ARHGEF39: variants seen among roughly 807,000 people sequenced by gnomAD.
ARHGEF39 encodes Rho guanine nucleotide exchange factor 39, also known as Rho guanine nucleotide exchange factor (GEF) 39.
In ARHGEF39, 45 loss-of-function variants were observed where a neutral mutation model predicts 47.5. That is an observed-to-expected ratio of 0.95 (90% CI 0.75 to 1.22). The LOEUF (loss-of-function observed/expected upper bound fraction) is 1.22, where lower values mean the gene tolerates loss of function less well. Among genes scored for constraint, ARHGEF39 ranks in the 50% most tolerant of loss-of-function variants. The pLI is 0.00. For synonymous variants in ARHGEF39, 164 were observed against 167.8 expected, an observed-to-expected ratio of 0.98 and a Z score of 0.17; for missense variants, 411 against 425.3, an observed-to-expected ratio of 0.97 and a Z score of 0.30.
chr9:35,664,071 C>A lies in ARHGEF39; in HGVS notation c.410G>T (p.Arg137Leu). Residue 137 changes from arginine to leucine, a missense_variant, in exon 4 of 9, where the codon CGC becomes CTC. Coordinates refer to ENST00000378387, the MANE Select transcript of ARHGEF39 (RefSeq NM_032818.3). ...FRRFVRLQEG[R>L]PEFGGLQLQD... ...GAGCTGAAGGCCCCCAAACTCAGGG[C>A]GGCCTTCCTGAAGCCGTACAAACCT... The A allele has an allele frequency of 6.2e-7, 1 of 1,614,078 alleles. No individual in the cohort carries two copies. Among genetic ancestry groups the A allele is most frequent in the Non-Finnish European group, 8.5e-7 (1 of 1,179,964 alleles).
At chr9:35,663,522 C>T in intron 4 of ARHGEF39, 130 bp from the exon 5 acceptor site, 2 of 760,644 alleles carry the variant, frequency 2.6e-6, no homozygotes, top group South Asian at 1.8e-5. Flanking sequence ...GCTACTGTAT[C>T]CCCTTCTTTC....
In ARHGEF39 at chr9:35,662,760, G is replaced by A; in HGVS notation, c.674-19C>T. 1 of 1,545,672 alleles carries A rather than the reference G, an allele frequency of 6.5e-7. No individual in the cohort carries two copies. The highest frequency in any genetic ancestry group is 8.7e-7 in the Non-Finnish European group (1 of 1,144,100). On this transcript the variant is annotated intron_variant, in intron 6 of 8. Coordinates refer to ENST00000378387, the MANE Select transcript of ARHGEF39 (RefSeq NM_032818.3). ...CAGCGCCCTGGGGGATGGGAGCGCT[G>A]TTATTCTGGTGCAGCTTCAAGATAC... is the stretch of plus-strand genomic sequence containing the variant.
chr9:35,661,552 C>A lies in ARHGEF39; in HGVS notation c.*435G>T. 1 of 443,962 alleles carries A rather than the reference C, an allele frequency of 2.3e-6. No homozygotes were observed. Among genetic ancestry groups the A allele is most frequent in the Non-Finnish European group, 3.9e-6 (1 of 253,478 alleles). 27.5% of individuals were successfully genotyped at this position (443,962 alleles called of 1,614,324 possible). The stretch of plus-strand genomic sequence containing the variant: ...AGCTGCAGCCTTGATAAATGACGGG[C>A]CATGGACACAGCACAGAGCTTATCA... On this transcript the variant is annotated 3_prime_UTR_variant, in exon 9 of 9. Transcript: ENST00000378387.
rs899203092 is a variant in ARHGEF39 at position 35,661,807 on chromosome 9, C to T, written c.*180G>A. The T allele has an allele frequency of 4.2e-5, 29 of 688,482 alleles. No individual in the cohort carries two copies. Among genetic ancestry groups the T allele is most frequent in the Admixed American group, 8.9e-5 (3 of 33,896 alleles). 42.6% of individuals were successfully genotyped at this position (688,482 alleles called of 1,614,324 possible). On this transcript the variant is annotated 3_prime_UTR_variant, in exon 9 of 9. Coordinates refer to ENST00000378387, the MANE Select transcript of ARHGEF39 (RefSeq NM_032818.3). ...GGGATTACAGGCATGAGCCACTGTG[C>T]CTGGCCGTGATTTTTAAGAGTTGGT...
rs1378062480 is a variant in ARHGEF39 at position 35,660,653 on chromosome 9, G to A, written c.*1334C>T. Reference sequence around the variant, plus strand: ...CTGGACCCCCTTTTTGAGCGGTGAGGAGAGCAATGATTCTGTGAATTTTTG... The same window carrying A: ...CTGGACCCCCTTTTTGAGCGGTGAGAAGAGCAATGATTCTGTGAATTTTTG... On this transcript the variant is annotated 3_prime_UTR_variant, in exon 9 of 9. Coordinates refer to ENST00000378387, the MANE Select transcript of ARHGEF39 (RefSeq NM_032818.3). 4 of 1,614,182 alleles carry A rather than the reference G, an allele frequency of 2.5e-6. No homozygotes were observed. In the East Asian group the frequency reaches 8.9e-5, roughly 36 times the overall value.
At position 35,664,800 on chromosome 9, in the gene ARHGEF39, G is replaced by A; in HGVS notation, c.189C>T (p.Arg63=). The change falls in exon 2 of 9, where the codon CGC becomes CGT. Residue 63 remains arginine, a synonymous_variant. Transcript: ENST00000378387. ...KAKGTLRPPE[R]QALFGSWELI... The stretch of plus-strand genomic sequence containing the variant: ...GCTCCCAGGAGCCAAACAGGGCCTG[G>A]CGCTCAGGTGGTCGCAGGGTCCCCT... 1 of 1,612,570 alleles carries A rather than the reference G, an allele frequency of 6.2e-7. No homozygotes were observed. The highest frequency in any genetic ancestry group is 1.3e-5 in the African/African-American group (1 of 75,070).
chr9:35,663,380 G>A lies in ARHGEF39; in HGVS notation c.486C>T (p.Leu162=), dbSNP rs376575677. 165 of 1,613,632 alleles carry A rather than the reference G, an allele frequency of 1.0e-4. No individual in the cohort carries two copies. In the South Asian group the frequency reaches 1.2e-3, roughly 12 times the overall value. The change falls in exon 5 of 9, where the codon CTC becomes CTT. Residue 162 remains leucine, a synonymous_variant. Transcript: ENST00000378387. ...CTGTGTTTTCAGCCAAAGCTACGAC[G>A]AGATTCTCATACCTGGAATTCAACA... ...PLQRLQQYEN[L]VVALAENTGP...
Position 35,662,021 on chromosome 9 carries a change from C to T in ARHGEF39, c.993-19G>A, listed in dbSNP as rs202026693. 2 of 1,613,838 alleles carry T rather than the reference C, an allele frequency of 1.2e-6. No individual in the cohort carries two copies. Among genetic ancestry groups the T allele is most frequent in the Non-Finnish European group, 1.7e-6 (2 of 1,179,874 alleles). ...CTGGCTGCTGTGGAGAGAAGACAGT[C>T]AGTTCAGGCACTGGTATGAGTGCTT... On this transcript the variant is annotated intron_variant, in intron 8 of 8. Coordinates refer to ENST00000378387, the MANE Select transcript of ARHGEF39 (RefSeq NM_032818.3).
intron 1 of ARHGEF39, 76 bp downstream of exon 1, chr9:35,664,956 G>C (rs763351209): frequency 1.3e-6 from 2 of 1,512,716 alleles, no homozygotes; most frequent in Non-Finnish European, 1.8e-6. Context: ...CATGCTCCGG[G>C]TTACCGACCT....
intron 7 of ARHGEF39, 107 bp from the exon 8 acceptor site, chr9:35,662,374 A>G (rs920578939): frequency 2.9e-6 from 4 of 1,384,470 alleles, no homozygotes; most frequent in African/African-American, 1.4e-5. Flanking sequence ...ATGACTAGGT[A>G]TGAAGCCCGA....
chr9:35,663,257 C>T (rs1824067579), intron 5 of ARHGEF39, 65 bp downstream of exon 5: 1 of 1,583,264 alleles, frequency 6.3e-7, no homozygotes, highest in Non-Finnish European at 8.7e-7. Flanking sequence ...TGTTGGAGGT[C>T]AGAATCAGAA....
rs752815799 is a variant in ARHGEF39 at position 35,660,826 on chromosome 9, A to G, written c.*1161T>C. On this transcript the variant is annotated 3_prime_UTR_variant, in exon 9 of 9. Coordinates refer to ENST00000378387, the MANE Select transcript of ARHGEF39 (RefSeq NM_032818.3). ...ATCCACGAGCTGCTGCAAGATAGCA[A>G]GCCGGACAAGGATATGGAGGCTTCA... The G allele has an allele frequency of 1.2e-5, 20 of 1,614,092 alleles. No individual in the cohort carries two copies. The highest frequency in any genetic ancestry group is 1.7e-5 in the Admixed American group (1 of 60,014).
At position 35,662,679 on chromosome 9, in the gene ARHGEF39, G is replaced by C; in HGVS notation, c.736C>G (p.Arg246Gly). ...ACATCAGTGAAGAGGAAGAACATGCGGGGCCGAGGCTCCCCATGGGGAGGC... is the reference window on the plus strand; with the variant it reads ...ACATCAGTGAAGAGGAAGAACATGCCGGGCCGAGGCTCCCCATGGGGAGGC... ...VVPPHGEPRPRMFFLFTDVLL... is the reference protein window; with the variant it reads ...VVPPHGEPRPGMFFLFTDVLL... Residue 246 changes from arginine (R) to glycine (G), a missense_variant, in exon 7 of 9, where the codon CGC (arginine) becomes GGC (glycine). By Grantham distance (125) the Arg-to-Gly change is moderately radical. Transcript: ENST00000378387. The C allele has an allele frequency of 1.9e-6, 3 of 1,595,120 alleles. No homozygotes were observed. Among genetic ancestry groups the C allele is most frequent in the Non-Finnish European group, 2.6e-6 (3 of 1,171,034 alleles).
intron 1 of ARHGEF39, 91 bp from the exon 2 acceptor site, chr9:35,664,941 C>T: frequency 6.5e-7 from 1 of 1,528,332 alleles, no homozygotes; most frequent in Non-Finnish European, 8.8e-7. Context: ...TGCCCAGGCT[C>T]CCTACATGCT....
intron 2 of ARHGEF39, 92 bp downstream of exon 2, chr9:35,664,664 C>G: frequency 1.3e-6 from 2 of 1,489,824 alleles, no homozygotes; most frequent in Non-Finnish European, 1.8e-6. Context: ...CTGGCGGACT[C>G]CAAATAGAAC....
intron 5 of ARHGEF39, 90 bp downstream of exon 5, chr9:35,663,232 G>C: frequency 6.4e-7 from 1 of 1,554,584 alleles, no homozygotes; most frequent in East Asian, 2.2e-5. Flanking sequence ...TGGAAGATAG[G>C]GTCATACCAG....
Position 35,660,505 on chromosome 9 carries a change from G to A in ARHGEF39, c.*1482C>T. On this transcript the variant is annotated 3_prime_UTR_variant, in exon 9 of 9. Coordinates refer to ENST00000378387, the MANE Select transcript of ARHGEF39 (RefSeq NM_032818.3). ...TGTGCTGGGTCGGGGGAGTTTAGGG[G>A]ACAGCAGAAGATACATAACCACTTC... 1 of 1,613,296 alleles carries A rather than the reference G, an allele frequency of 6.2e-7. No homozygotes were observed. The highest frequency in any genetic ancestry group is 8.5e-7 in the Non-Finnish European group (1 of 1,179,388).
Position 35,664,500 on chromosome 9 carries a change from G to T in ARHGEF39, c.234-8C>A, listed in dbSNP as rs559455892. The T allele has an allele frequency of 1.3e-6, 2 of 1,587,962 alleles. No homozygotes were observed. Among genetic ancestry groups the T allele is most frequent in the East Asian group, 4.5e-5 (2 of 44,776 alleles). On this transcript the variant is annotated splice_polypyrimidine_tract_variant and splice_region_variant and intron_variant, in intron 2 of 8. Transcript: ENST00000378387. Reference sequence around the variant, plus strand: ...AGGTAGGGAAGCAGCTCCCTGTGTGGGCAAGGACAGCAAAAGGGCAGCTCT... The same window carrying T: ...AGGTAGGGAAGCAGCTCCCTGTGTGTGCAAGGACAGCAAAAGGGCAGCTCT...
Position 35,660,348 on chromosome 9 carries a change from G to A in ARHGEF39, c.*1639C>T. ...CTTGGCTGGCTCTGGAGACTGAGGT[G>A]ATGGAGCAGAACCTTGTTGCTTCAG... On this transcript the variant is annotated 3_prime_UTR_variant, in exon 9 of 9. Transcript: ENST00000378387. 1.4e-6 allele frequency: 2 copies of A among 1,476,798 alleles called. No individual in the cohort carries two copies. Among genetic ancestry groups the A allele is most frequent in the Non-Finnish European group, 1.8e-6 (2 of 1,093,660 alleles). 91.5% of individuals were successfully genotyped at this position (1,476,798 alleles called of 1,614,324 possible).
Sources: allele counts gnomAD v4.1 joint callset, GRCh38; gene constraint gnomAD v4.1.1; transcripts MANE v1.5; gene names NCBI Gene and HGNC (gene_info 2026-07-23, HGNC 2026-07-21).